NPTN: variants seen among roughly 807,000 people sequenced by gnomAD.
NPTN encodes the protein neuroplastin, also known as SDR-1.
In NPTN, 5 loss-of-function variants were observed where a neutral mutation model predicts 42.7. The observed-to-expected ratio is 0.12, with a 90% CI of 0.06 to 0.25. NPTN has a LOEUF of 0.25. NPTN is among the 10% of genes least tolerant of loss of function. The pLI is 1.00. For synonymous variants in NPTN, 180 were observed against 201.9 expected (o/e 0.89, Z 0.92); for missense variants, 307 against 525.4 (o/e 0.58, Z 4.06).
intron 1 of NPTN, among the ~76,000 whole-genome samples, chr15:73,604,196 G>A (rs941113430): frequency 3.9e-5 from 6 of 152,052 alleles, no homozygotes; most frequent in Non-Finnish European, 8.8e-5. Flanking sequence ...AACATGGGCC[G>A]CTCACACTCA....
At chr15:73,596,207 G>A (rs1896828269) in intron 2 of NPTN, among the ~76,000 whole-genome samples, 1 of 152,192 alleles carries the variant, frequency 6.6e-6, no homozygotes, top group Non-Finnish European at 1.5e-5. Flanking sequence ...CAAAACATAA[G>A]AAGGAAGTCC....
At position 73,625,567 on chromosome 15, in the gene NPTN, G is replaced by A. The variant is rs149430274; in HGVS notation, c.91+7558C>T. 5.9e-3 allele frequency among the ~76,000 whole-genome samples: 897 copies of A among 152,162 alleles called. 6 individuals are homozygous for A. The highest frequency in any genetic ancestry group is 0.02 in the African/African-American group (848 of 41,492). Reference sequence around the variant, plus strand: ...AGGATGGTCTCGATCTCCTGACCTCGTGATCCGCCCACCGCAGCCTCCCAA... The same window carrying A: ...AGGATGGTCTCGATCTCCTGACCTCATGATCCGCCCACCGCAGCCTCCCAA... On this transcript the variant is annotated intron_variant, in intron 1 of 8. Coordinates refer to ENST00000345330, the MANE Select transcript of NPTN (RefSeq NM_012428.4).
rs577355918 is a variant in NPTN at position 73,562,425 on chromosome 15, C to T, written c.1137-455G>A. On this transcript the variant is annotated intron_variant, in intron 7 of 8. Coordinates refer to ENST00000345330, the MANE Select transcript of NPTN (RefSeq NM_012428.4). The stretch of plus-strand genomic sequence containing the variant: ...CCCCCAAGGCAGACGAGTACTTTCC[C>T]TTCGAATCCGGAACTATAATTACGA... 2.6e-5 allele frequency among the ~76,000 whole-genome samples: 4 copies of T among 152,310 alleles called. No homozygotes were observed. In the South Asian group the frequency reaches 8.3e-4, roughly 32 times the overall value.
In NPTN at chr15:73,560,082, T is replaced by TA; in HGVS notation, c.*980dup. 3.5e-6 allele frequency: 2 copies of TA among 565,272 alleles called. No homozygotes were observed. Among genetic ancestry groups the TA allele is most frequent in the Non-Finnish European group, 5.8e-6 (2 of 342,232 alleles). 35.0% of individuals were successfully genotyped at this position (565,272 alleles called of 1,614,324 possible). A position where few individuals can be genotyped will look rare whatever the true frequency, so the allele number is the denominator to read the frequency against. ...TTTTTTATACATCATTGCACTTCAA[T>TA]AATTACACAAAACACACAAGTACAT... On this transcript the variant is annotated 3_prime_UTR_variant, in exon 9 of 9. Coordinates refer to ENST00000345330, the MANE Select transcript of NPTN (RefSeq NM_012428.4).
At chr15:73,561,698 CA>C (rs1235080458) in intron 8 of NPTN, among the ~76,000 whole-genome samples, 197 bp downstream of exon 8, 1 of 151,958 alleles carries the variant, frequency 6.6e-6, no homozygotes, top group Non-Finnish European at 1.5e-5. Flanking sequence ...CAAACAACAA[CA>C]AAAAACAACG....
chr15:73,626,587 G>A (rs1168406255), intron 1 of NPTN, among the ~76,000 whole-genome samples: 2 of 152,062 alleles, frequency 1.3e-5, no homozygotes, highest in Non-Finnish European at 2.9e-5. Context: ...GAATCTCAAA[G>A]GCATAACAAT....
At position 73,569,932 on chromosome 15, in the gene NPTN, G is replaced by T; in HGVS notation, c.1114+218C>A. ...AAACAGAGGGAGAGAGCTAAGGACA[G>T]CTCTAGATGGCTAATGCAAAAAAAA... On this transcript the variant is annotated intron_variant, in intron 6 of 8. Coordinates refer to ENST00000345330, the MANE Select transcript of NPTN (RefSeq NM_012428.4). This position sits in a 1 kb window ranked among gnomAD's most constrained non-coding sequence, Gnocchi z 4.1. The T allele has an allele frequency of 2.4e-6, 1 of 416,422 alleles. No individual in the cohort carries two copies. Among genetic ancestry groups the T allele is most frequent in the Non-Finnish European group, 3.2e-6 (1 of 310,276 alleles). 25.8% of individuals were successfully genotyped at this position (416,422 alleles called of 1,614,324 possible).
intron 4 of NPTN, among the ~76,000 whole-genome samples, chr15:73,581,367 TA>T (rs1214274388): frequency 6.6e-6 from 1 of 152,052 alleles, no homozygotes; most frequent in African/African-American, 2.4e-5. Context: ...TTTACCCTCT[TA>T]GGGGGGCACA....
At chr15:73,595,596 AT>A (rs1896798436) in intron 2 of NPTN, among the ~76,000 whole-genome samples, 1 of 152,194 alleles carries the variant, frequency 6.6e-6, no homozygotes, top group Non-Finnish European at 1.5e-5. Flanking sequence ...TTATTACCAA[AT>A]TCCTCATCAA....
At chr15:73,580,419 ATAAT>A (rs1895938086) in intron 4 of NPTN, among the ~76,000 whole-genome samples, 1 of 113,680 alleles carries the variant, frequency 8.8e-6, no homozygotes, top group African/African-American at 3.3e-5. Context: ...TAATATATAT[ATAAT>A]ATATATATAA....
intron 6 of NPTN, chr15:73,568,844 T>C: frequency 3.0e-6 from 3 of 985,546 alleles, no homozygotes; most frequent in Non-Finnish European, 3.6e-6. Context: ...TCACTCTACT[T>C]ACTGCAGGCA....
At chr15:73,574,525 A>G (rs912902404) in intron 4 of NPTN, among the ~76,000 whole-genome samples, 1 of 152,098 alleles carries the variant, frequency 6.6e-6, no homozygotes, top group African/African-American at 2.4e-5. Context: ...GGCTTAAGTG[A>G]TCCTCAGCTC....
intron 1 of NPTN, among the ~76,000 whole-genome samples, chr15:73,600,350 A>T (rs892957311): frequency 1.4e-5 from 2 of 148,092 alleles, no homozygotes; most frequent in African/African-American, 5.2e-5. Context: ...TATTGTTATT[A>T]CCATTATTAG....
At position 73,609,707 on chromosome 15, in the gene NPTN, A is replaced by C. The variant is rs76745694; in HGVS notation, c.92-12338T>G. On this transcript the variant is annotated intron_variant, in intron 1 of 8. Coordinates refer to ENST00000345330, the MANE Select transcript of NPTN (RefSeq NM_012428.4). ...AGAAAAACAGTATCCATATGGTTCC[A>C]AAGATTACCTTTGGAAATGCTTTTT... Among the ~76,000 whole-genome samples the C allele has an allele frequency of 5.3e-5, 8 of 152,312 alleles. No individual in the cohort carries two copies. In the East Asian group the frequency reaches 1.5e-3, roughly 29 times the overall value.
chr15:73,595,212 A>G (rs942706562), intron 2 of NPTN, among the ~76,000 whole-genome samples: 1 of 152,222 alleles, frequency 6.6e-6, no homozygotes, highest in African/African-American at 2.4e-5. Context: ...TCTTGGAAGT[A>G]TAAGTGCAAA....
At position 73,597,486 on chromosome 15, in the gene NPTN, G is replaced by A; in HGVS notation, c.92-117C>T. Reference sequence around the variant, plus strand: ...AAGAAAAAAGCAAATGAGTTGCAAAGAACAAAAAAGGATTCATTTTTAAAC... The same window carrying A: ...AAGAAAAAAGCAAATGAGTTGCAAAAAACAAAAAAGGATTCATTTTTAAAC... On this transcript the variant is annotated intron_variant, in intron 1 of 8. Coordinates refer to ENST00000345330, the MANE Select transcript of NPTN (RefSeq NM_012428.4). The surrounding 1 kb of genome is among the most constrained non-coding windows in gnomAD (Gnocchi z 6.3). The A allele has an allele frequency of 2.6e-6, 2 of 757,120 alleles. No individual in the cohort carries two copies. Among genetic ancestry groups the A allele is most frequent in the East Asian group, 2.7e-5 (1 of 37,154 alleles). The allele number at this position is 757,120 out of a possible 1,614,324, so 46.9% of individuals were successfully genotyped here. A position where few individuals can be genotyped will look rare whatever the true frequency, so the allele number is the denominator to read the frequency against.
At chr15:73,583,862 G>A (rs775063607) in intron 4 of NPTN, among the ~76,000 whole-genome samples, 3 of 152,096 alleles carry the variant, frequency 2.0e-5, no homozygotes, top group Non-Finnish European at 4.4e-5. Context: ...ATGTGGTCTG[G>A]GTATCACTGT....
chr15:73,611,741 C>T (rs188244623), intron 1 of NPTN, among the ~76,000 whole-genome samples: 1 of 152,142 alleles, frequency 6.6e-6, no homozygotes, highest in Non-Finnish European at 1.5e-5. Flanking sequence ...AACTCAAAGT[C>T]CTAAACTGTG....
chr15:73,580,600 A>C, intron 4 of NPTN, among the ~76,000 whole-genome samples: 1 of 144,832 alleles, frequency 6.9e-6, no homozygotes, highest in East Asian at 2.0e-4. Context: ...ATATATGTAT[A>C]TATGTATATA....
Sources: allele counts gnomAD v4.1 joint callset (sites outside exome capture counted in the v4.1 genomes callset), GRCh38; gene constraint gnomAD v4.1.1; non-coding constraint Gnocchi (gnomAD v3.1); transcripts MANE v1.5; gene names NCBI Gene and HGNC (gene_info 2026-07-23, HGNC 2026-07-21).